The following AXDND1 variants were observed in gnomAD, a reference collection of about 807,000 sequenced individuals.
AXDND1 encodes axonemal dynein light chain domain containing 1.
A neutral mutation model predicts 137.5 loss-of-function variants in AXDND1; 110 were observed. The ratio of observed to expected loss-of-function variants is 0.80; its 90% CI spans 0.69 to 0.94. AXDND1 has a LOEUF of 0.94. Among genes scored for constraint, AXDND1 ranks in the 40% least tolerant of loss-of-function variants. The pLI is 0.00. For missense variants in AXDND1, 1,191 were observed against 1,169.8 expected, an observed-to-expected ratio of 1.02 and a Z score of -0.26; for synonymous variants, 414 against 399.7, an observed-to-expected ratio of 1.04 and a Z score of -0.43.
At chr1:179,539,025 T>G (rs2125720338) in intron 25 of AXDND1, among the ~76,000 whole-genome samples, 1 of 152,202 alleles carries the variant, frequency 6.6e-6, no homozygotes, top group Non-Finnish European at 1.5e-5. Context: ...CCCTTTTTTT[T>G]GTTTTCCATT....
intron 4 of AXDND1, among the ~76,000 whole-genome samples, chr1:179,376,931 T>G (rs1439342443): frequency 6.7e-6 from 1 of 149,942 alleles, no homozygotes; most frequent in Non-Finnish European, 1.5e-5. Context: ...TTTAATAATG[T>G]AGTTTTTTCT....
intron 11 of AXDND1, among the ~76,000 whole-genome samples, chr1:179,407,916 A>C (rs1002229730): frequency 2.6e-5 from 4 of 152,304 alleles, no homozygotes; most frequent in African/African-American, 9.6e-5. Context: ...GGTGTCCCAT[A>C]TATCCACATA....
chr1:179,504,672 G>A (rs552252052), intron 20 of AXDND1, among the ~76,000 whole-genome samples: 43 of 152,162 alleles, frequency 2.8e-4, no homozygotes, highest in African/African-American at 1.0e-3. Flanking sequence ...ATTGCCCTGC[G>A]CCACCCCATC....
At chr1:179,456,299 G>T (rs1404449324) in intron 16 of AXDND1, 2 of 745,730 alleles carry the variant, frequency 2.7e-6, no homozygotes, top group East Asian at 5.1e-5. Flanking sequence ...GTTTGACGAA[G>T]TATTGGCCTC....
At chr1:179,464,301 G>A (rs1356000972) in intron 16 of AXDND1, among the ~76,000 whole-genome samples, 2 of 152,138 alleles carry the variant, frequency 1.3e-5, no homozygotes, top group Non-Finnish European at 2.9e-5. Context: ...CTCTTGTAAG[G>A]CAGGCCTGGT....
intron 18 of AXDND1, among the ~76,000 whole-genome samples, chr1:179,485,295 G>A (rs1420435874): frequency 6.6e-6 from 1 of 152,202 alleles, no homozygotes; most frequent in Non-Finnish European, 1.5e-5. Flanking sequence ...TTGGAGTGTT[G>A]TGACCAGTGG....
At chr1:179,418,906 G>A (rs1481413633) in intron 12 of AXDND1, among the ~76,000 whole-genome samples, 28 of 151,854 alleles carry the variant, frequency 1.8e-4, no homozygotes, top group East Asian at 5.9e-4. Flanking sequence ...CAGACGGGGC[G>A]GCAGGGCAGA....
At chr1:179,447,868 C>T (rs1659966075) in intron 16 of AXDND1, 1 of 1,337,718 alleles carries the variant, frequency 7.5e-7, no homozygotes, top group Non-Finnish European at 1.1e-6. Flanking sequence ...ACTTGGTGGT[C>T]TCTGAGGAGC....
intron 18 of AXDND1, among the ~76,000 whole-genome samples, chr1:179,491,311 CA>C (rs1462086346): frequency 6.6e-6 from 1 of 151,770 alleles, no homozygotes; most frequent in South Asian, 2.1e-4. Context: ...CACCCCGTTT[CA>C]AAAAAATTAA....
At chr1:179,481,811 T>C (rs1322469431) in intron 17 of AXDND1, among the ~76,000 whole-genome samples, 1 of 152,222 alleles carries the variant, frequency 6.6e-6, no homozygotes, top group Non-Finnish European at 1.5e-5. Flanking sequence ...CTGGGGCATA[T>C]ATTGTGCTAA....
At chr1:179,523,290 G>A (rs1230526085) in intron 21 of AXDND1, among the ~76,000 whole-genome samples, 1 of 143,200 alleles carries the variant, frequency 7.0e-6, no homozygotes, top group Non-Finnish European at 1.5e-5. Flanking sequence ...TATTTTAATT[G>A]ACAAATAAAA....
Position 179,395,121 on chromosome 1 carries a change from A to G in AXDND1, c.1028A>G (p.His343Arg), listed in dbSNP as rs147693539. The G allele has an allele frequency of 9.1e-5, 146 of 1,613,150 alleles. No homozygotes were observed. The African/African-American group carries it at 1.5e-3, about 17-fold the overall frequency. ...AGGGAACTGTGTCTAGTTCGGGCAC[A>G]TGATGTGAAATTAACAAAGGAAACA... ...LTRELCLVRA[H>R]DVKLTKETEK... Residue 343 changes from histidine to arginine, a missense_variant, in exon 11 of 26, where the codon CAT (histidine) becomes CGT (arginine). Physicochemically the swap from His to Arg is conservative, Grantham distance 29. Transcript: ENST00000367618.
At chr1:179,456,564 C>T in intron 16 of AXDND1, 1 of 779,084 alleles carries the variant, frequency 1.3e-6, no homozygotes. Context: ...TCCGGAGTAA[C>T]CAGGGCCACC....
intron 21 of AXDND1, among the ~76,000 whole-genome samples, chr1:179,516,129 G>A (rs1033524596): frequency 4.6e-5 from 7 of 151,958 alleles, no homozygotes; most frequent in African/African-American, 1.7e-4. Flanking sequence ...CAGACTTCTT[G>A]GAGGCTTTGT....
At chr1:179,393,635 G>A (rs537344768) in intron 9 of AXDND1, among the ~76,000 whole-genome samples, 2 of 152,110 alleles carry the variant, frequency 1.3e-5, no homozygotes, top group African/African-American at 4.8e-5. Context: ...TGTGTCACAT[G>A]CAATGTTTTT....
chr1:179,515,378 T>C (rs888056494), intron 21 of AXDND1, among the ~76,000 whole-genome samples: 3 of 152,152 alleles, frequency 2.0e-5, no homozygotes, highest in African/African-American at 7.2e-5. Context: ...ATTGTTTTGT[T>C]TGAGGAGGCT....
chr1:179,409,821 C>CA (rs1273634875), intron 11 of AXDND1, among the ~76,000 whole-genome samples: 2 of 151,514 alleles, frequency 1.3e-5, no homozygotes, highest in Non-Finnish European at 2.9e-5. Context: ...TTCAAAACAA[C>CA]AAAAAACGAA....
intron 25 of AXDND1, among the ~76,000 whole-genome samples, chr1:179,548,139 G>A (rs537139361): frequency 5.3e-5 from 8 of 152,248 alleles, no homozygotes; most frequent in South Asian, 2.1e-4. Context: ...ACTGGCCATC[G>A]GGGCTGCCTT....
rs1287362745 is a variant in AXDND1, at chr1:179,393,986, A to G, written c.947A>G (p.Asp316Gly). The G allele has an allele frequency of 6.2e-7, 1 of 1,611,246 alleles. No individual in the cohort carries two copies. The highest frequency in any genetic ancestry group is 1.1e-5 in the South Asian group (1 of 90,514). Reference sequence around the variant, plus strand: ...GACTTGGTAACTCAGCGAGTGATGGACCAGCGCATTTTAGAAGAATTGTAT... The same window carrying G: ...GACTTGGTAACTCAGCGAGTGATGGGCCAGCGCATTTTAGAAGAATTGTAT... ...YKDLVTQRVM[D>G]QRILEELYNF... The change falls in exon 10 of 26, where the codon GAC becomes GGC. Residue 316 changes from aspartate (D) to glycine (G), a missense_variant. Asp to Gly is a moderately conservative substitution (Grantham distance 94). Coordinates refer to ENST00000367618, the MANE Select transcript of AXDND1 (RefSeq NM_144696.6).
Sources: gnomAD v4.1 joint callset for allele counts (sites outside exome capture counted in the v4.1 genomes callset) on GRCh38, gnomAD v4.1.1 for gene constraint, MANE v1.5 for transcripts, NCBI Gene and HGNC (gene_info 2026-07-23, HGNC 2026-07-21) for gene names.